IMPG1: variants seen among roughly 807,000 people sequenced by gnomAD.
IMPG1 encodes the protein interphotoreceptor matrix proteoglycan 1.
In IMPG1, 85 loss-of-function variants were observed where a neutral mutation model predicts 92.0. That is an observed-to-expected ratio of 0.92 (90% CI 0.78 to 1.11). The LOEUF is 1.11. IMPG1 is among the 50% of genes least tolerant of loss of function. IMPG1 has a pLI of 0.00. For missense variants in IMPG1, 1,022 were observed against 956.0 expected, an observed-to-expected ratio of 1.07 and a Z score of -0.91; for synonymous variants, 367 against 334.1, an observed-to-expected ratio of 1.10 and a Z score of -1.08.
intron 12 of IMPG1, among the ~76,000 whole-genome samples, chr6:75,957,171 G>A (rs1300201012): frequency 6.6e-6 from 1 of 152,144 alleles, no homozygotes; most frequent in Non-Finnish European, 1.5e-5. Flanking sequence ...ACTCGCCTCG[G>A]CTTCCCAAAG....
At chr6:76,037,284 A>C (rs1423951080) in intron 2 of IMPG1, among the ~76,000 whole-genome samples, 1 of 152,202 alleles carries the variant, frequency 6.6e-6, no homozygotes, top group Non-Finnish European at 1.5e-5. Flanking sequence ...CAGGTCATTT[A>C]CCAGCAGCAA....
At chr6:75,987,402 C>A (rs1285379733) in intron 12 of IMPG1, among the ~76,000 whole-genome samples, 1 of 151,498 alleles carries the variant, frequency 6.6e-6, no homozygotes, top group Admixed American at 6.6e-5. Flanking sequence ...TGTGCTGCAC[C>A]CCTTAACTCG....
intron 4 of IMPG1, among the ~76,000 whole-genome samples, chr6:76,030,161 C>G (rs1166730373): frequency 6.6e-6 from 1 of 152,136 alleles, no homozygotes; most frequent in African/African-American, 2.4e-5. Context: ...AGGCTACTGA[C>G]AGTAGCAGGG....
At chr6:75,927,253 T>G (rs2149448844) in intron 15 of IMPG1, among the ~76,000 whole-genome samples, 1 of 152,202 alleles carries the variant, frequency 6.6e-6, no homozygotes, top group Admixed American at 6.5e-5. Flanking sequence ...TCCCATTAGA[T>G]AGATGAGAAA....
intron 6 of IMPG1, among the ~76,000 whole-genome samples, chr6:76,020,771 C>A (rs1019340123): frequency 6.6e-6 from 1 of 152,166 alleles, no homozygotes; most frequent in Non-Finnish European, 1.5e-5. Flanking sequence ...TTTGGGGAGT[C>A]ATGCCCTACA....
intron 1 of IMPG1, among the ~76,000 whole-genome samples, chr6:76,042,584 A>G (rs1783864775): frequency 6.6e-6 from 1 of 152,162 alleles, no homozygotes; most frequent in South Asian, 2.1e-4. Flanking sequence ...CTTCCTGCCT[A>G]TTAGTGGTAG....
At chr6:76,064,940 T>C (rs1344496963) in intron 1 of IMPG1, among the ~76,000 whole-genome samples, 1 of 152,112 alleles carries the variant, frequency 6.6e-6, no homozygotes, top group Non-Finnish European at 1.5e-5. Context: ...ACATGCCTAG[T>C]ACAAAGGCTA....
At chr6:76,023,661 C>T (rs1012363874) in intron 5 of IMPG1, among the ~76,000 whole-genome samples, 5 of 152,164 alleles carry the variant, frequency 3.3e-5, no homozygotes, top group Non-Finnish European at 2.9e-5. Flanking sequence ...AATTCTAAAA[C>T]ATTTGTTGCT....
chr6:76,026,209 C>T (rs928564324), intron 4 of IMPG1, among the ~76,000 whole-genome samples: 8 of 152,204 alleles, frequency 5.3e-5, no homozygotes, highest in African/African-American at 1.9e-4. Flanking sequence ...TTTACTCACC[C>T]TTCAAACCAT....
At chr6:75,927,880 G>GTTA (rs1242202494) in intron 15 of IMPG1, among the ~76,000 whole-genome samples, 6 of 151,144 alleles carry the variant, frequency 4.0e-5, no homozygotes. Flanking sequence ...TCAAGTCCAT[G>GTTA]TTATGCCCCA....
chr6:75,979,526 A>G (rs1782594937), intron 12 of IMPG1, among the ~76,000 whole-genome samples: 1 of 152,228 alleles, frequency 6.6e-6, no homozygotes, highest in Non-Finnish European at 1.5e-5. Flanking sequence ...ATGGATCTCA[A>G]AACCACTGTT....
chr6:76,010,693 C>T (rs1435005713), intron 8 of IMPG1, among the ~76,000 whole-genome samples: 1 of 152,206 alleles, frequency 6.6e-6, no homozygotes, highest in Non-Finnish European at 1.5e-5. Flanking sequence ...TCCCAACTCT[C>T]CTACCTGGAT....
intron 12 of IMPG1, among the ~76,000 whole-genome samples, chr6:75,975,457 A>T (rs1782518229): frequency 6.6e-6 from 1 of 152,204 alleles, no homozygotes; most frequent in Non-Finnish European, 1.5e-5. Context: ...GTTGAGTATC[A>T]CCTAGCATAC....
At chr6:76,049,884 G>A (rs1206965902) in intron 1 of IMPG1, among the ~76,000 whole-genome samples, 1 of 152,172 alleles carries the variant, frequency 6.6e-6, no homozygotes, top group Non-Finnish European at 1.5e-5. Context: ...GGCTTAAGTT[G>A]GGGAGGTTGG....
At chr6:75,945,662 A>AT in intron 14 of IMPG1, among the ~76,000 whole-genome samples, 1 of 151,886 alleles carries the variant, frequency 6.6e-6, no homozygotes, top group Non-Finnish European at 1.5e-5. Context: ...AAATTTCTCC[A>AT]TTTTCCATTT....
intron 14 of IMPG1, among the ~76,000 whole-genome samples, chr6:75,946,750 A>T (rs1781934952): frequency 6.6e-6 from 1 of 152,192 alleles, no homozygotes; most frequent in Non-Finnish European, 1.5e-5. Flanking sequence ...GTAGTATACA[A>T]CCAAAAAGCA....
chr6:75,947,251 A>T, intron 14 of IMPG1, 63 bp downstream of exon 14: 2 of 1,296,096 alleles, frequency 1.5e-6, no homozygotes, highest in Non-Finnish European at 2.2e-6. Context: ...GTGCTTAAAA[A>T]CAGAACGAAA....
chr6:76,002,846 A>G, intron 12 of IMPG1, 72 bp downstream of exon 12: 1 of 1,163,814 alleles, frequency 8.6e-7, no homozygotes, highest in South Asian at 1.3e-5. Flanking sequence ...CTGGTCTTTG[A>G]GGCAGTATCA....
intron 12 of IMPG1, among the ~76,000 whole-genome samples, chr6:75,967,508 G>C (rs1177296892): frequency 6.6e-6 from 1 of 152,090 alleles, no homozygotes; most frequent in Non-Finnish European, 1.5e-5. Flanking sequence ...TCAGCTCCTT[G>C]ATTTTGTACT....
Sources: allele counts gnomAD v4.1 joint callset (sites outside exome capture counted in the v4.1 genomes callset), GRCh38; gene constraint gnomAD v4.1.1; transcripts MANE v1.5; gene names NCBI Gene and HGNC (gene_info 2026-07-23, HGNC 2026-07-21).